EFHD1: variants seen among roughly 807,000 people sequenced by gnomAD.
EFHD1 encodes the protein EF-hand domain-containing protein D1.
EFHD1 carries 10 observed loss-of-function variants against 17.2 expected under a neutral mutation model. That is an observed-to-expected ratio of 0.58 (90% CI 0.36 to 0.99). EFHD1 has a LOEUF of 0.99. Ranked by LOEUF, EFHD1 falls within the 50% of genes least tolerant of loss-of-function variation. The pLI, the probability that EFHD1 is intolerant of heterozygous loss-of-function variation, is 0.01. For synonymous variants in EFHD1, 153 were observed against 142.0 expected, an observed-to-expected ratio of 1.08 and a Z score of -0.55; for missense variants, 310 against 327.5, an observed-to-expected ratio of 0.95 and a Z score of 0.41.
intron 2 of EFHD1, among the ~76,000 whole-genome samples, chr2:232,665,182 C>A (rs1396603469): frequency 1.3e-5 from 2 of 152,120 alleles, no homozygotes; most frequent in East Asian, 3.9e-4. Flanking sequence ...AAATTGCAGG[C>A]AAAATTTTGA....
intron 1 of EFHD1, among the ~76,000 whole-genome samples, chr2:232,613,508 T>G (rs192697688): frequency 6.6e-6 from 1 of 151,760 alleles, no homozygotes; most frequent in Admixed American, 6.6e-5. Context: ...GCCCCAAAAT[T>G]GAAAACAACC....
upstream of EFHD1, among the ~76,000 whole-genome samples, chr2:232,631,920 T>C (rs1049196994): frequency 2.1e-4 from 32 of 151,824 alleles, no homozygotes; most frequent in African/African-American, 7.7e-4. Flanking sequence ...GGGGAATCAC[T>C]TGAACCCAGG....
chr2:232,669,118 A>G lies in EFHD1; in HGVS notation c.451-3191A>G, dbSNP rs1574732326. On this transcript the variant is annotated intron_variant, in intron 2 of 3. Transcript: ENST00000264059. ...CTCTCTCCACATGCCTCTCATCCGC[A>G]GCCCTGAAGTCTGCTGCTTCGATCT... Among the ~76,000 whole-genome samples, 3 of 152,174 alleles carry G rather than the reference A, an allele frequency of 2.0e-5. No individual in the cohort carries two copies. The South Asian group carries it at 6.2e-4, about 32-fold the overall frequency.
chr2:232,672,498 C>T lies in EFHD1; in HGVS notation c.585+55C>T, dbSNP rs1695096077. 2.4e-5 allele frequency: 37 copies of T among 1,534,810 alleles called. 1 individual carries two copies. The South Asian group carries it at 4.7e-4, about 19-fold the overall frequency. ...AACCACTCCCAGCCTTCACGCTGCC[C>T]ACCAGACTGCAGCTGTCATTTTCAT... On this transcript the variant is annotated intron_variant, in intron 3 of 3. Transcript: ENST00000264059.
chr2:232,616,710 G>GT (rs1693934408), intron 1 of EFHD1, among the ~76,000 whole-genome samples: 1 of 152,156 alleles, frequency 6.6e-6, no homozygotes, highest in African/African-American at 2.4e-5. Context: ...TATTTAATGG[G>GT]TAAGAATTTC....
intron 1 of EFHD1, among the ~76,000 whole-genome samples, chr2:232,622,675 C>T (rs1015070240): frequency 1.3e-5 from 2 of 152,010 alleles, no homozygotes; most frequent in East Asian, 1.9e-4. Context: ...CAGAGCCGCT[C>T]GGTGGTGGGA....
intron 3 of EFHD1, among the ~76,000 whole-genome samples, chr2:232,678,016 C>CT (rs1353510808): frequency 3.3e-5 from 5 of 152,114 alleles, no homozygotes; most frequent in African/African-American, 1.2e-4. Context: ...GGAGCAGTGG[C>CT]TTATGCCTAT....
At chr2:232,665,933 C>T (rs1195572492) in intron 2 of EFHD1, among the ~76,000 whole-genome samples, 3 of 152,110 alleles carry the variant, frequency 2.0e-5, no homozygotes, top group Non-Finnish European at 4.4e-5. Context: ...ACAATCCTCC[C>T]ACATCAGCCT....
intron 1 of EFHD1, among the ~76,000 whole-genome samples, chr2:232,655,698 G>C (rs111990227): frequency 7.2e-5 from 11 of 152,296 alleles, no homozygotes; most frequent in African/African-American, 2.6e-4. Context: ...TCCATGCACA[G>C]AGCCCAGTTC....
chr2:232,607,927 C>CT (rs1272084231), intron 1 of EFHD1, among the ~76,000 whole-genome samples: 6 of 104,294 alleles, frequency 5.8e-5, no homozygotes, highest in Admixed American at 9.0e-5. Context: ...GACCCTGTCT[C>CT]TATTTTTTTT....
intron 3 of EFHD1, among the ~76,000 whole-genome samples, chr2:232,673,669 GT>G (rs1041052581): frequency 1.3e-5 from 2 of 151,938 alleles, no homozygotes; most frequent in African/African-American, 4.8e-5. Context: ...TGGAAGTGGT[GT>G]TATAATTTAT....
chr2:232,649,667 GA>G (rs1291790857), intron 1 of EFHD1, among the ~76,000 whole-genome samples: 1 of 152,148 alleles, frequency 6.6e-6, no homozygotes, highest in Admixed American at 6.5e-5. Context: ...TGTGCAAGGG[GA>G]TGATTTCCTT....
intron 1 of EFHD1, among the ~76,000 whole-genome samples, chr2:232,637,209 G>A (rs1389020604): frequency 1.3e-5 from 2 of 152,144 alleles, no homozygotes; most frequent in Non-Finnish European, 2.9e-5. Context: ...CTCCTTCTGT[G>A]CCTGTTTCCT....
At chr2:232,639,294 C>G (rs1461164428) in intron 1 of EFHD1, among the ~76,000 whole-genome samples, 1 of 152,082 alleles carries the variant, frequency 6.6e-6, no homozygotes, top group Non-Finnish European at 1.5e-5. Flanking sequence ...TTTCCCCCTT[C>G]TCCCTTGCAG....
At chr2:232,646,411 T>G (rs1051159018) in intron 1 of EFHD1, among the ~76,000 whole-genome samples, 1 of 150,842 alleles carries the variant, frequency 6.6e-6, no homozygotes, top group Non-Finnish European at 1.5e-5. Context: ...TATTGCTGAT[T>G]CTCTCTTTTC....
intron 1 of EFHD1, among the ~76,000 whole-genome samples, chr2:232,652,186 T>A (rs1397314023): frequency 6.6e-6 from 1 of 152,246 alleles, no homozygotes; most frequent in Non-Finnish European, 1.5e-5. Flanking sequence ...GCATTCCTCT[T>A]GGCGAACAAT....
intron 3 of EFHD1, 139 bp from the exon 4 acceptor site, chr2:232,681,446 T>G (rs1203760991): frequency 1.6e-6 from 2 of 1,241,686 alleles, no homozygotes; most frequent in Non-Finnish European, 2.2e-6. Flanking sequence ...AAAGAGTGCT[T>G]GCTGGGGTCC....
intron 1 of EFHD1, among the ~76,000 whole-genome samples, chr2:232,654,218 AAAAAG>A (rs1274997535): frequency 2.6e-5 from 4 of 151,168 alleles, no homozygotes; most frequent in South Asian, 4.2e-4. Context: ...AAAAAAAAAA[AAAAAG>A]AAAAGAAAGA....
chr2:232,667,865 C>T (rs1442229382), intron 2 of EFHD1, among the ~76,000 whole-genome samples: 1 of 152,158 alleles, frequency 6.6e-6, no homozygotes, highest in Admixed American at 6.6e-5. Context: ...GCGGAGACAT[C>T]TATTTTAAAT....
Sources: allele counts gnomAD v4.1 joint callset (sites outside exome capture counted in the v4.1 genomes callset), GRCh38; gene constraint gnomAD v4.1.1; transcripts MANE v1.5; gene names NCBI Gene and HGNC (gene_info 2026-07-23, HGNC 2026-07-21).